STON1: variants seen among roughly 807,000 people sequenced by gnomAD.
STON1 encodes stonin-1.
Under a neutral mutation model 60.9 loss-of-function variants are expected in STON1, and 79 were observed. That is an observed-to-expected ratio of 1.30 (90% CI 1.08 to 1.56). STON1 has a LOEUF of 1.56. Among genes scored for constraint, STON1 ranks in the 40% most tolerant of loss-of-function variants. The pLI is 0.00. For synonymous variants in STON1, 363 were observed against 306.9 expected, an observed-to-expected ratio of 1.18 and a Z score of -1.91; for missense variants, 1,166 against 858.9, an observed-to-expected ratio of 1.36 and a Z score of -4.47.
At chr2:48,594,078 C>G (rs1388850937) in intron 3 of STON1, among the ~76,000 whole-genome samples, 1 of 152,182 alleles carries the variant, frequency 6.6e-6, no homozygotes, top group African/African-American at 2.4e-5. Context: ...TTCATTCTGA[C>G]TACATTGCAT....
intron 1 of STON1, among the ~76,000 whole-genome samples, chr2:48,569,857 A>G (rs1673111490): frequency 6.6e-6 from 1 of 152,224 alleles, no homozygotes; most frequent in African/African-American, 2.4e-5. Flanking sequence ...AAAATGCTCA[A>G]GTGAGCTTTT....
intron 1 of STON1, among the ~76,000 whole-genome samples, chr2:48,546,889 C>T (rs1267235001): frequency 6.6e-6 from 1 of 152,162 alleles, no homozygotes; most frequent in African/African-American, 2.4e-5. Context: ...TTCACACACA[C>T]CTTTCACCAC....
intron 1 of STON1, among the ~76,000 whole-genome samples, chr2:48,541,673 T>C (rs1671657528): frequency 8.2e-6 from 1 of 121,304 alleles, no homozygotes; most frequent in Admixed American, 1.1e-4. Context: ...CACTCCATCC[T>C]GGGTGACAAG....
intron 1 of STON1, among the ~76,000 whole-genome samples, chr2:48,553,505 G>C (rs1672187840): frequency 6.8e-6 from 1 of 146,084 alleles, no homozygotes; most frequent in Non-Finnish European, 1.5e-5. Context: ...TCCTTTTTTT[G>C]AGGTGGAGTT....
intron 1 of STON1, among the ~76,000 whole-genome samples, chr2:48,574,620 G>A (rs78178777): frequency 6.6e-6 from 1 of 152,124 alleles, no homozygotes; most frequent in African/African-American, 2.4e-5. Flanking sequence ...TATGAAACTG[G>A]AATAATAATA....
chr2:48,548,655 T>C (rs894734957), intron 1 of STON1, among the ~76,000 whole-genome samples: 1 of 152,024 alleles, frequency 6.6e-6, no homozygotes, highest in Admixed American at 6.6e-5. Context: ...TGCACCAGCA[T>C]GCCTGCCTAA....
chr2:48,594,500 G>T (rs925569870), intron 3 of STON1, among the ~76,000 whole-genome samples: 3 of 152,216 alleles, frequency 2.0e-5, no homozygotes, highest in African/African-American at 7.2e-5. Context: ...TGAACAGAGA[G>T]ACAAAGTCCC....
chr2:48,589,756 T>C (rs1407112898), intron 2 of STON1, among the ~76,000 whole-genome samples: 2 of 152,214 alleles, frequency 1.3e-5, no homozygotes, highest in Non-Finnish European at 2.9e-5. Context: ...AATCAGATCA[T>C]GTGTAGTATA....
chr2:48,581,486 A>C lies in STON1; in HGVS notation c.853A>C (p.Lys285Gln), dbSNP rs778993157. 4.3e-6 allele frequency: 7 copies of C among 1,614,212 alleles called. No individual in the cohort carries two copies. Among genetic ancestry groups the C allele is most frequent in the Non-Finnish European group, 5.9e-6 (7 of 1,180,000 alleles). ...GWSFMLRIPE[K>Q]KNMMSSRQWG... Reference sequence around the variant, plus strand: ...GTCTTTCATGCTGAGAATTCCTGAGAAGAAGAATATGATGTCTTCCCGGCA... The same window carrying C: ...GTCTTTCATGCTGAGAATTCCTGAGCAGAAGAATATGATGTCTTCCCGGCA... The change falls in exon 2 of 4, where the codon AAG becomes CAG. Residue 285 changes from lysine (K) to glutamine (Q), a missense_variant. Lys to Gln is a moderately conservative substitution (Grantham distance 53). Transcript: ENST00000404752.
In STON1 at chr2:48,595,365, A is replaced by T; in HGVS notation, c.*63A>T. The T allele has an allele frequency of 1.4e-6, 2 of 1,404,508 alleles. No individual in the cohort carries two copies. The highest frequency in any genetic ancestry group is 3.4e-5 in the Admixed American group (2 of 58,486). The allele number at this position is 1,404,508 out of a possible 1,614,324, so 87.0% of individuals were successfully genotyped here. On this transcript the variant is annotated 3_prime_UTR_variant, in exon 4 of 4. Transcript: ENST00000404752. The stretch of plus-strand genomic sequence containing the variant: ...ATATGTAATTCACCGAAACCACACC[A>T]AGTCCTGCTACTGTAGAGTGGAAAT...
chr2:48,577,048 C>A, intron 1 of STON1, among the ~76,000 whole-genome samples: 1 of 134,924 alleles, frequency 7.4e-6, no homozygotes, highest in South Asian at 2.5e-4. Flanking sequence ...AGCGAGATTC[C>A]ATCTCAAAAA....
chr2:48,592,834 C>G (rs960558671), intron 3 of STON1, among the ~76,000 whole-genome samples: 1 of 151,990 alleles, frequency 6.6e-6, no homozygotes, highest in Non-Finnish European at 1.5e-5. Context: ...AGGCTGGTCT[C>G]AAATTCCTGG....
chr2:48,563,165 C>G (rs948994096), intron 1 of STON1, among the ~76,000 whole-genome samples: 4 of 152,204 alleles, frequency 2.6e-5, no homozygotes, highest in African/African-American at 9.7e-5. Context: ...GAGACCCATT[C>G]CCATGGGAAA....
At chr2:48,586,653 G>A (rs575839993) in intron 2 of STON1, among the ~76,000 whole-genome samples, 14 of 152,262 alleles carry the variant, frequency 9.2e-5, no homozygotes, top group Non-Finnish European at 1.8e-4. Context: ...AGAGACCAGT[G>A]TATTAAGACC....
chr2:48,540,543 T>A (rs909481342), intron 1 of STON1, among the ~76,000 whole-genome samples: 1 of 152,086 alleles, frequency 6.6e-6, no homozygotes, highest in Non-Finnish European at 1.5e-5. Context: ...AGGCAGAGCA[T>A]GGAAGGGCTG....
chr2:48,592,773 A>C (rs1431761908), intron 3 of STON1, among the ~76,000 whole-genome samples: 1 of 151,886 alleles, frequency 6.6e-6, no homozygotes. Context: ...TTGGTAGCTT[A>C]AAGTTTTATT....
At chr2:48,550,936 T>C (rs1473298348) in intron 1 of STON1, among the ~76,000 whole-genome samples, 1 of 152,084 alleles carries the variant, frequency 6.6e-6, no homozygotes, top group African/African-American at 2.4e-5. Context: ...AATTGTATGG[T>C]TGGCATTCAC....
intron 1 of STON1, among the ~76,000 whole-genome samples, chr2:48,540,595 A>G (rs1671612769): frequency 1.3e-5 from 2 of 152,218 alleles, no homozygotes; most frequent in Non-Finnish European, 2.9e-5. Flanking sequence ...GCTTATCTGT[A>G]TCTTTCGCAG....
At chr2:48,562,112 T>C (rs1023431662) in intron 1 of STON1, among the ~76,000 whole-genome samples, 1 of 152,194 alleles carries the variant, frequency 6.6e-6, no homozygotes, top group African/African-American at 2.4e-5. Context: ...CCACCCACCT[T>C]GGCCTCCCAA....
Sources: gnomAD v4.1 joint callset for allele counts (sites outside exome capture counted in the v4.1 genomes callset) on GRCh38, gnomAD v4.1.1 for gene constraint, MANE v1.5 for transcripts, NCBI Gene and HGNC (gene_info 2026-07-23, HGNC 2026-07-21) for gene names.